PTBP3: variants seen among roughly 807,000 people sequenced by gnomAD.
PTBP3 encodes the protein polypyrimidine tract-binding protein 3.
PTBP3 carries 20 observed loss-of-function variants against 58.7 expected under a neutral mutation model. That is an observed-to-expected ratio of 0.34 (90% CI 0.24 to 0.50). The LOEUF (loss-of-function observed/expected upper bound fraction) is 0.50. Among genes scored for constraint, PTBP3 ranks in the 20% least tolerant of loss-of-function variants. PTBP3 has a pLI of 0.98. For synonymous variants in PTBP3, 185 were observed against 219.8 expected, an observed-to-expected ratio of 0.84 and a Z score of 1.40; for missense variants, 509 against 637.2, an observed-to-expected ratio of 0.80 and a Z score of 2.17.
intron 1 of PTBP3, among the ~76,000 whole-genome samples, chr9:112,307,061 A>AT (rs1192666019): frequency 6.6e-6 from 1 of 152,234 alleles, no homozygotes; most frequent in Non-Finnish European, 1.5e-5. Context: ...AGAATAAAAC[A>AT]TGCCTAAAAT....
At chr9:112,358,302 T>C in the PTBP3 span, among the ~76,000 whole-genome samples, 3 of 152,136 alleles carry the variant, frequency 2.0e-5, no homozygotes, top group African/African-American at 7.2e-5. Flanking sequence ...AGTGAGACTC[T>C]GTCTCAAAAA....
Position 112,220,238 on chromosome 9 carries a change from G to GTAA in PTBP3, c.*3610_*3612dup. 2.2e-6 allele frequency: 3 copies of GTAA among 1,346,976 alleles called. No homozygotes were observed. The highest frequency in any genetic ancestry group is 2.0e-6 in the Non-Finnish European group (2 of 1,019,666). The allele number at this position is 1,346,976 out of a possible 1,614,324, so 83.4% of individuals were successfully genotyped here. On this transcript the variant is annotated 3_prime_UTR_variant, in exon 14 of 14. Coordinates refer to ENST00000374257, the MANE Select transcript of PTBP3 (RefSeq NM_001163788.4). ...AACTGCATGACAATATGCTAAACAT[G>GTAA]TAAGCACTGCTGACTGATGGCACGG...
chr9:112,326,698 C>T (rs887194356), intron 1 of PTBP3, among the ~76,000 whole-genome samples: 5 of 152,078 alleles, frequency 3.3e-5, no homozygotes, highest in African/African-American at 7.2e-5. Flanking sequence ...ATACTCTAAT[C>T]GCTACTACAG....
the PTBP3 span, among the ~76,000 whole-genome samples, chr9:112,346,895 T>C: frequency 6.6e-6 from 1 of 152,156 alleles, no homozygotes; most frequent in Non-Finnish European, 1.5e-5. Flanking sequence ...AGTTAATTTT[T>C]GTATTTTTAG....
At chr9:112,225,824 A>G (rs985891643) in intron 12 of PTBP3, among the ~76,000 whole-genome samples, 3 of 152,200 alleles carry the variant, frequency 2.0e-5, no homozygotes, top group Non-Finnish European at 2.9e-5. Context: ...TGGGAGGCAG[A>G]TTGCTTGAGC....
rs191781554 is a variant in PTBP3 at position 112,251,378 on chromosome 9, T to C, written c.628-275A>G. The stretch of plus-strand genomic sequence containing the variant: ...AATAAGAGAGGAGAAATGTAAAAGA[T>C]TGGAAAACTACTGTCTATCATAGAA... On this transcript the variant is annotated intron_variant, in intron 6 of 13. Coordinates refer to ENST00000374257, the MANE Select transcript of PTBP3 (RefSeq NM_001163788.4). 7.8e-3 allele frequency among the ~76,000 whole-genome samples: 1,188 copies of C among 152,294 alleles called. 13 individuals carry two copies. The highest frequency in any genetic ancestry group is 0.034 in the Middle Eastern group (10 of 294).
At chr9:112,259,006 C>T (rs10817304) in intron 5 of PTBP3, among the ~76,000 whole-genome samples, 81,201 of 151,960 alleles carry the variant, frequency 0.53, 22,748 homozygotes, top group African/African-American at 0.72. Flanking sequence ...GGCTGGAATG[C>T]AGTGGTACAA....
At chr9:112,290,738 A>ACACACACACACAC (rs1564438731) in intron 2 of PTBP3, among the ~76,000 whole-genome samples, 7 of 148,460 alleles carry the variant, frequency 4.7e-5, no homozygotes, top group Non-Finnish European at 1.0e-4. Context: ...ACACACACAC[A>ACACACACACACAC]ATCAAGTGTT....
At chr9:112,265,275 G>A (rs1023167514) in intron 4 of PTBP3, among the ~76,000 whole-genome samples, 1 of 152,058 alleles carries the variant, frequency 6.6e-6, no homozygotes, top group Non-Finnish European at 1.5e-5. Context: ...GACAGAGGCG[G>A]GTGGATCACC....
At chr9:112,333,732 T>C (rs1173972831), upstream of PTBP3, 1 of 231,414 alleles carries the variant, frequency 4.3e-6, no homozygotes, top group African/African-American at 8.5e-5. Flanking sequence ...GTCCCCGCCC[T>C]CCCTCGGGGC....
chr9:112,325,245 C>T (rs964996452), intron 1 of PTBP3, among the ~76,000 whole-genome samples: 3 of 152,170 alleles, frequency 2.0e-5, no homozygotes, highest in Non-Finnish European at 2.9e-5. Context: ...AATACGCCCA[C>T]AGTGAAAAAT....
chr9:112,337,870 C>T (rs1362698110), upstream of PTBP3, among the ~76,000 whole-genome samples: 1 of 152,170 alleles, frequency 6.6e-6, no homozygotes, highest in Non-Finnish European at 1.5e-5. Flanking sequence ...ACAGGTAAGA[C>T]TTCTTAATAT....
chr9:112,316,800 C>T (rs1057401877), intron 1 of PTBP3, among the ~76,000 whole-genome samples: 17 of 151,744 alleles, frequency 1.1e-4, no homozygotes, highest in African/African-American at 2.4e-4. Flanking sequence ...GGCGAAACAC[C>T]GTCTCTACTA....
At chr9:112,264,038 T>C (rs1388412882) in intron 4 of PTBP3, among the ~76,000 whole-genome samples, 6 of 152,002 alleles carry the variant, frequency 3.9e-5, no homozygotes, top group Non-Finnish European at 4.4e-5. Context: ...ATTCCTATTA[T>C]GGGAAATAAT....
At chr9:112,265,434 C>T (rs1836760567) in intron 4 of PTBP3, among the ~76,000 whole-genome samples, 2 of 96,912 alleles carry the variant, frequency 2.1e-5, no homozygotes, top group Non-Finnish European at 4.0e-5. Flanking sequence ...ACCCGGCGGG[C>T]GGGGGGTGGG....
intron 2 of PTBP3, among the ~76,000 whole-genome samples, chr9:112,293,142 A>G (rs1828519720): frequency 1.3e-5 from 2 of 152,204 alleles, no homozygotes; most frequent in African/African-American, 2.4e-5. Context: ...ACGATATACT[A>G]TATTTATTGG....
chr9:112,374,169 G>A, the PTBP3 span, among the ~76,000 whole-genome samples: 4 of 152,104 alleles, frequency 2.6e-5, no homozygotes, highest in African/African-American at 9.7e-5. Context: ...TTGATAATCC[G>A]GGTCAATCAC....
chr9:112,369,275 A>G, the PTBP3 span, among the ~76,000 whole-genome samples: 1 of 152,200 alleles, frequency 6.6e-6, no homozygotes, highest in Non-Finnish European at 1.5e-5. Flanking sequence ...AGACCCACTG[A>G]CAGCTTGCAC....
chr9:112,247,540 C>CA (rs946788996), intron 7 of PTBP3, among the ~76,000 whole-genome samples: 4 of 111,714 alleles, frequency 3.6e-5, no homozygotes, highest in Admixed American at 9.2e-5. Flanking sequence ...TCCATCTCCA[C>CA]AAAAAAAATG....
Sources: allele counts gnomAD v4.1 joint callset (sites outside exome capture counted in the v4.1 genomes callset), GRCh38; gene constraint gnomAD v4.1.1; transcripts MANE v1.5; gene names NCBI Gene and HGNC (gene_info 2026-07-23, HGNC 2026-07-21).